NFAM1: variants seen among roughly 807,000 people sequenced by gnomAD.
The protein encoded by NFAM1 is NFAT activation molecule 1.
In NFAM1, 17 loss-of-function variants were observed where a neutral mutation model predicts 29.0. The ratio of observed to expected loss-of-function variants is 0.59; its 90% CI spans 0.40 to 0.88. The LOEUF (loss-of-function observed/expected upper bound fraction) is 0.88. NFAM1 is among the 40% of genes least tolerant of loss of function. The pLI is 0.00. For missense variants in NFAM1, 324 were observed against 344.6 expected, an observed-to-expected ratio of 0.94 and a Z score of 0.47; for synonymous variants, 175 against 147.2, an observed-to-expected ratio of 1.19 and a Z score of -1.36.
chr22:42,391,489 G>A (rs1035421060), intron 4 of NFAM1, among the ~76,000 whole-genome samples: 3 of 152,182 alleles, frequency 2.0e-5, no homozygotes, highest in African/African-American at 7.2e-5. Context: ...AGAAGGGCTG[G>A]ATTCTGGATA....
chr22:42,427,174 C>T (rs921765028), intron 1 of NFAM1, among the ~76,000 whole-genome samples: 1 of 152,078 alleles, frequency 6.6e-6, no homozygotes, highest in Non-Finnish European at 1.5e-5. Context: ...GGTCCTGTTG[C>T]CCACGTCCCC....
At chr22:42,437,004 C>T (rs1175823480), upstream of NFAM1, 38 of 984,244 alleles carry the variant, frequency 3.9e-5, no homozygotes, top group Non-Finnish European at 4.5e-5. Context: ...GGACACATAC[C>T]ATGGTCCCCC....
chr22:42,431,776 C>A (rs868393411), intron 1 of NFAM1, among the ~76,000 whole-genome samples: 47 of 117,360 alleles, frequency 4.0e-4, no homozygotes, highest in Admixed American at 5.5e-4. Context: ...GCCCTGGTAT[C>A]CCCCCCTCCC....
chr22:42,386,935 T>C, intron 5 of NFAM1, 54 bp downstream of exon 5: 1 of 961,514 alleles, frequency 1.0e-6, no homozygotes, highest in Non-Finnish European at 1.6e-6. Context: ...TCACCAGTGA[T>C]GGGAGGGTCA....
chr22:42,425,336 C>T (rs1051235258), intron 1 of NFAM1, among the ~76,000 whole-genome samples: 6 of 152,188 alleles, frequency 3.9e-5, no homozygotes, highest in Non-Finnish European at 7.3e-5. Flanking sequence ...TGCACTCTTG[C>T]TCTCGGCCTC....
At chr22:42,414,385 A>C (rs1930190762) in intron 1 of NFAM1, among the ~76,000 whole-genome samples, 1 of 152,108 alleles carries the variant, frequency 6.6e-6, no homozygotes, top group East Asian at 1.9e-4. Flanking sequence ...GCACGGACTT[A>C]TCCGAGATGG....
rs731025 is a variant in NFAM1, at chr22:42,383,874, G to A, written c.*1287C>T. 51,229 of 152,508 alleles carry A rather than the reference G, an allele frequency of 0.34. 11,634 individuals are homozygous for A. Among genetic ancestry groups the A allele is most frequent in the African/African-American group, 0.65 (26,880 of 41,306 alleles). The allele number at this position is 152,508 out of a possible 1,614,324, so 9.4% of individuals were successfully genotyped here. On this transcript the variant is annotated 3_prime_UTR_variant, in exon 6 of 6. Transcript: ENST00000329021. ...GGGAGACATGGGGGAGCAGAGGGAG[G>A]AAGCAGAGCCCAACAGCCCGGGGCA...
At chr22:42,386,837 C>A in intron 5 of NFAM1, 152 bp downstream of exon 5, 1 of 558,014 alleles carries the variant, frequency 1.8e-6, no homozygotes. Context: ...CGCACCAGTC[C>A]TCTTAACCAG....
In NFAM1 at chr22:42,385,071, C is replaced by T; in HGVS notation, c.*90G>A. 1 of 961,276 alleles carries T rather than the reference C, an allele frequency of 1.0e-6. No homozygotes were observed. The highest frequency in any genetic ancestry group is 1.3e-5 in the South Asian group (1 of 77,836). The allele number at this position is 961,276 out of a possible 1,614,324, so 59.5% of individuals were successfully genotyped here. A position where few individuals can be genotyped will look rare whatever the true frequency, so the allele number is the denominator to read the frequency against. On this transcript the variant is annotated 3_prime_UTR_variant, in exon 6 of 6. Coordinates refer to ENST00000329021, the MANE Select transcript of NFAM1 (RefSeq NM_145912.8). Reference sequence around the variant, plus strand: ...GAAATGATGGGGTGTCCCTGGGGGCCTTACTCCCAACTCAGATCAAGTCCT... The same window carrying T: ...GAAATGATGGGGTGTCCCTGGGGGCTTTACTCCCAACTCAGATCAAGTCCT...
chr22:42,397,800 G>A (rs886516494), intron 4 of NFAM1, 58 bp downstream of exon 4: 75 of 961,596 alleles, frequency 7.8e-5, no homozygotes, highest in Admixed American at 1.5e-4. Flanking sequence ...CCTGGTACAA[G>A]ACAGACTCTG....
intron 3 of NFAM1, among the ~76,000 whole-genome samples, chr22:42,407,547 T>G (rs1451487357): frequency 1.3e-5 from 2 of 152,074 alleles, no homozygotes; most frequent in African/African-American, 4.8e-5. Context: ...GTTTTTGTAT[T>G]TTTAGTAGAG....
At chr22:42,430,690 C>G (rs1930768983) in intron 1 of NFAM1, among the ~76,000 whole-genome samples, 1 of 151,630 alleles carries the variant, frequency 6.6e-6, no homozygotes, top group Non-Finnish European at 1.5e-5. Context: ...GTTGCAATAC[C>G]GGGTGGGAGG....
intron 4 of NFAM1, among the ~76,000 whole-genome samples, chr22:42,393,293 G>C (rs948625027): frequency 7.2e-5 from 11 of 152,172 alleles, no homozygotes; most frequent in African/African-American, 2.7e-4. Context: ...GTATGCACCT[G>C]TAATTCCAGC....
In NFAM1 at chr22:42,382,368, A is replaced by G. The variant is rs1359934630; in HGVS notation, c.*2793T>C. ...ACTACGCCTGGCCTGAGCTGTCTTG[A>G]CTGTCACTGCAAACTGAGGCTCAGG... On this transcript the variant is annotated 3_prime_UTR_variant, in exon 6 of 6. Transcript: ENST00000329021. 3 of 152,074 alleles carry G rather than the reference A, an allele frequency of 2.0e-5. No individual in the cohort carries two copies. The highest frequency in any genetic ancestry group is 1.5e-5 in the Non-Finnish European group (1 of 68,054). The allele number at this position is 152,074 out of a possible 1,614,324, so 9.4% of individuals were successfully genotyped here. A position where few individuals can be genotyped will look rare whatever the true frequency, so the allele number is the denominator to read the frequency against.
chr22:42,396,923 G>C (rs548131570), intron 4 of NFAM1, among the ~76,000 whole-genome samples: 81 of 149,210 alleles, frequency 5.4e-4, no homozygotes, highest in African/African-American at 2.0e-3. Flanking sequence ...TCGCAGCCAG[G>C]GGGCGTGCAC....
chr22:42,389,593 TG>T (rs1226477754), intron 4 of NFAM1, among the ~76,000 whole-genome samples: 1 of 95,334 alleles, frequency 1.0e-5, no homozygotes, highest in Non-Finnish European at 2.1e-5. Context: ...CTTGTGGGGC[TG>T]GGGCTGGGCT....
chr22:42,397,348 A>G (rs1929564815), intron 4 of NFAM1, among the ~76,000 whole-genome samples: 1 of 152,206 alleles, frequency 6.6e-6, no homozygotes, highest in South Asian at 2.1e-4. Context: ...GTCCCAACGC[A>G]TGTCTGCGCT....
chr22:42,393,074 G>GT (rs960080016), intron 4 of NFAM1, among the ~76,000 whole-genome samples: 5 of 151,782 alleles, frequency 3.3e-5, no homozygotes, highest in East Asian at 1.9e-4. Flanking sequence ...AATAGGTCAA[G>GT]TTTTTTTTAA....
chr22:42,424,657 G>T (rs879797344), intron 1 of NFAM1, among the ~76,000 whole-genome samples: 1 of 152,014 alleles, frequency 6.6e-6, no homozygotes, highest in Non-Finnish European at 1.5e-5. Context: ...GGTTTCAAAC[G>T]CAAGAAAGTT....
Sources: allele counts gnomAD v4.1 joint callset (sites outside exome capture counted in the v4.1 genomes callset), GRCh38; gene constraint gnomAD v4.1.1; transcripts MANE v1.5; gene names NCBI Gene and HGNC (gene_info 2026-07-23, HGNC 2026-07-21).